The following SND1 variants were observed in gnomAD, a reference collection of about 807,000 sequenced individuals.
SND1 encodes the protein staphylococcal nuclease and tudor domain containing 1, also known as staphylococcal nuclease domain-containing protein 1.
In SND1, 38 loss-of-function variants were observed where a neutral mutation model predicts 121.7. The observed-to-expected ratio is 0.31, with a 90% CI of 0.24 to 0.41. SND1 has a LOEUF of 0.41. Among genes scored for constraint, SND1 ranks in the 10% least tolerant of loss-of-function variants. SND1 has a pLI of 1.00. For synonymous variants in SND1, 401 were observed against 447.4 expected (o/e 0.90, Z 1.31); for missense variants, 868 against 1,184.6 (o/e 0.73, Z 3.92).
intron 11 of SND1, among the ~76,000 whole-genome samples, chr7:127,817,837 T>A (rs1483962081): frequency 6.6e-6 from 1 of 151,652 alleles, no homozygotes; most frequent in Non-Finnish European, 1.5e-5. Context: ...TGTGACCCTT[T>A]CTGTTGTAGT....
chr7:127,766,771 CAAAAAAA>C (rs59243807), intron 10 of SND1, among the ~76,000 whole-genome samples: 877 of 33,202 alleles, frequency 0.026, 14 homozygotes, highest in African/African-American at 0.05. Context: ...GACTTTGTCT[CAAAAAAA>C]AAAAAAAAAA....
intron 16 of SND1, among the ~76,000 whole-genome samples, chr7:128,020,035 T>C (rs1480443483): frequency 1.3e-5 from 2 of 152,198 alleles, no homozygotes; most frequent in African/African-American, 4.8e-5. Flanking sequence ...CCTCCTGTCA[T>C]GTTGGGATAG....
At chr7:127,875,070 T>A (rs76791325) in intron 12 of SND1, among the ~76,000 whole-genome samples, 4,106 of 152,224 alleles carry the variant, frequency 0.027, 86 homozygotes, top group Non-Finnish European at 0.035. Flanking sequence ...CATTAAAAAA[T>A]TTCCTTGGTT....
intron 10 of SND1, among the ~76,000 whole-genome samples, chr7:127,749,378 A>G (rs975412968): frequency 3.3e-5 from 5 of 152,242 alleles, no homozygotes; most frequent in African/African-American, 9.6e-5. Context: ...CTTGAAAGCT[A>G]TCTATCCTAA....
At chr7:127,862,843 T>C (rs977358683) in intron 12 of SND1, among the ~76,000 whole-genome samples, 1 of 152,190 alleles carries the variant, frequency 6.6e-6, no homozygotes, top group Non-Finnish European at 1.5e-5. Context: ...CCCAGCACAG[T>C]TGCATTTGAA....
chr7:127,874,655 G>A (rs1371088866), intron 12 of SND1, among the ~76,000 whole-genome samples: 2 of 152,008 alleles, frequency 1.3e-5, no homozygotes, highest in Admixed American at 1.3e-4. Flanking sequence ...AACATACCTA[G>A]ATCTACAATA....
intron 15 of SND1, among the ~76,000 whole-genome samples, chr7:127,934,474 C>T (rs947031901): frequency 1.4e-4 from 22 of 152,000 alleles, no homozygotes; most frequent in African/African-American, 5.1e-4. Flanking sequence ...ATAAATGAGG[C>T]GCAAGAATCT....
chr7:127,655,906 C>T (rs190537679), intron 1 of SND1, among the ~76,000 whole-genome samples: 82 of 152,238 alleles, frequency 5.4e-4, no homozygotes, highest in Non-Finnish European at 8.8e-4. Flanking sequence ...ATCTTCTGTG[C>T]TTATCAGAAG....
Position 127,882,012 on chromosome 7 carries a change from G to A in SND1, c.1344-5890G>A, listed in dbSNP as rs1799801779. Among the ~76,000 whole-genome samples, 4 of 152,104 alleles carry A rather than the reference G, an allele frequency of 2.6e-5. No individual in the cohort carries two copies. In the South Asian group the frequency reaches 8.3e-4, roughly 32 times the overall value. On this transcript the variant is annotated intron_variant, in intron 12 of 23. Transcript: ENST00000354725. Reference sequence around the variant, plus strand: ...TCATGCCTGTAATCTCAGCACTTTGGGAGGCCAAGGTGAGAGGATCACTTG... The same window carrying A: ...TCATGCCTGTAATCTCAGCACTTTGAGAGGCCAAGGTGAGAGGATCACTTG...
intron 1 of SND1, among the ~76,000 whole-genome samples, chr7:127,680,374 T>G (rs539440235): frequency 6.6e-6 from 1 of 152,158 alleles, no homozygotes; most frequent in South Asian, 2.1e-4. Context: ...GGTGGGAATT[T>G]CCTCGTCCTA....
chr7:128,042,074 C>T (rs1792865127), intron 16 of SND1, among the ~76,000 whole-genome samples: 1 of 152,140 alleles, frequency 6.6e-6, no homozygotes, highest in South Asian at 2.1e-4. Flanking sequence ...GAAGAGCTCT[C>T]ATTCTCTATC....
At chr7:127,983,615 T>C (rs765337475) in intron 15 of SND1, among the ~76,000 whole-genome samples, 10 of 152,124 alleles carry the variant, frequency 6.6e-5, no homozygotes, top group Non-Finnish European at 1.5e-4. Context: ...AAACTGCCAT[T>C]TTGTCTCCCC....
chr7:128,092,072 T>C lies in SND1; in HGVS notation c.*14T>C, dbSNP rs1584785151. 3.1e-6 allele frequency: 5 copies of C among 1,613,706 alleles called. No homozygotes were observed. Among genetic ancestry groups the C allele is most frequent in the Non-Finnish European group, 4.2e-6 (5 of 1,179,790 alleles). ...TACAGCCGCTAAGGAGGGGATCGGG[T>C]TTGGCCCCCAGCCCCGCTCACGCCA... On this transcript the variant is annotated 3_prime_UTR_variant, in exon 24 of 24. Coordinates refer to ENST00000354725, the MANE Select transcript of SND1 (RefSeq NM_014390.4). The surrounding 1 kb of genome is among the most constrained non-coding windows in gnomAD (Gnocchi z 4.9).
In SND1 at chr7:127,969,237, G is replaced by A. The variant is rs79904783; in HGVS notation, c.1670-21710G>A. ...AGTCATTACGGGTGCCTTGAACCTG[G>A]GAAGGGAGGAAGGTATACCGAGCTG... On this transcript the variant is annotated intron_variant, in intron 15 of 23. Transcript: ENST00000354725. Among the ~76,000 whole-genome samples, 10 of 152,170 alleles carry A rather than the reference G, an allele frequency of 6.6e-5. No homozygotes were observed. In the East Asian group the frequency reaches 1.9e-3, roughly 29 times the overall value.
At chr7:127,774,316 T>C (rs1182019861) in intron 10 of SND1, among the ~76,000 whole-genome samples, 1 of 152,230 alleles carries the variant, frequency 6.6e-6, no homozygotes, top group Non-Finnish European at 1.5e-5. Context: ...AATAAAACTT[T>C]AAAATTGAAA....
At chr7:127,808,632 A>G (rs1466339395) in intron 11 of SND1, among the ~76,000 whole-genome samples, 1 of 152,234 alleles carries the variant, frequency 6.6e-6, no homozygotes, top group Non-Finnish European at 1.5e-5. Context: ...GAGGAAGAGA[A>G]ACCAAACTGG....
chr7:127,696,055 A>G (rs1441879883), intron 3 of SND1, among the ~76,000 whole-genome samples: 1 of 152,226 alleles, frequency 6.6e-6, no homozygotes, highest in Non-Finnish European at 1.5e-5. Flanking sequence ...AGTTATGTTC[A>G]TTGAACTATT....
intron 10 of SND1, among the ~76,000 whole-genome samples, chr7:127,780,851 G>A (rs1191434216): frequency 6.6e-6 from 1 of 152,152 alleles, no homozygotes; most frequent in Non-Finnish European, 1.5e-5. Flanking sequence ...AGTGCACTGG[G>A]GATTTAGTTG....
intron 10 of SND1, among the ~76,000 whole-genome samples, chr7:127,761,686 A>G (rs1162950563): frequency 3.9e-5 from 6 of 152,334 alleles, no homozygotes; most frequent in Non-Finnish European, 7.4e-5. Flanking sequence ...ATTTGGCCCC[A>G]TTCTTTATAC....
Sources: allele counts gnomAD v4.1 joint callset (sites outside exome capture counted in the v4.1 genomes callset), GRCh38; gene constraint gnomAD v4.1.1; non-coding constraint Gnocchi (gnomAD v3.1); transcripts MANE v1.5; gene names NCBI Gene and HGNC (gene_info 2026-07-23, HGNC 2026-07-21).